The following TMEM132D variants were observed in gnomAD, a reference collection of about 807,000 sequenced individuals.
The protein encoded by TMEM132D is transmembrane protein 132D.
In TMEM132D, 21 loss-of-function variants were observed where a neutral mutation model predicts 62.3. The ratio of observed to expected loss-of-function variants is 0.34; its 90% CI spans 0.24 to 0.49. The LOEUF (loss-of-function observed/expected upper bound fraction) is 0.49. Ranked by LOEUF, TMEM132D falls within the 20% of genes least tolerant of loss-of-function variation. The probability of loss-of-function intolerance (pLI) is 0.99; values close to 1 mark genes in which losing one functional copy is unlikely to be tolerated. For synonymous variants in TMEM132D, 621 were observed against 575.6 expected, an observed-to-expected ratio of 1.08 and a Z score of -1.13; for missense variants, 1,346 against 1,402.8, an observed-to-expected ratio of 0.96 and a Z score of 0.65.
intron 3 of TMEM132D, among the ~76,000 whole-genome samples, chr12:129,394,694 A>G (rs1433129932): frequency 1.3e-5 from 2 of 152,262 alleles, no homozygotes; most frequent in Admixed American, 1.3e-4. Flanking sequence ...CCCACAAATG[A>G]AATTAATGAC....
intron 3 of TMEM132D, among the ~76,000 whole-genome samples, chr12:129,490,066 A>C (rs1874718806): frequency 6.6e-6 from 1 of 152,212 alleles, no homozygotes; most frequent in East Asian, 1.9e-4. Context: ...ATATATCCAA[A>C]GTATTTTTCC....
chr12:129,208,528 G>A (rs58467320), intron 5 of TMEM132D: 14,074 of 152,238 alleles, frequency 0.092, 729 homozygotes, highest in Non-Finnish European at 0.11. Context: ...GATTTGATTC[G>A]CATTTGTTGA....
chr12:129,582,370 C>A (rs1166412598), intron 2 of TMEM132D, among the ~76,000 whole-genome samples: 1 of 152,174 alleles, frequency 6.6e-6, no homozygotes, highest in Admixed American at 6.5e-5. Context: ...CTGGTACTTA[C>A]CCCCCAGAGA....
At chr12:129,203,920 C>G (rs1878773941) in intron 5 of TMEM132D, among the ~76,000 whole-genome samples, 1 of 152,180 alleles carries the variant, frequency 6.6e-6, no homozygotes, top group Non-Finnish European at 1.5e-5. Context: ...TCAGAGGGGG[C>G]TCCTCAGAGA....
At chr12:129,144,790 C>G (rs1252639245) in intron 5 of TMEM132D, among the ~76,000 whole-genome samples, 1 of 152,104 alleles carries the variant, frequency 6.6e-6, no homozygotes, top group Non-Finnish European at 1.5e-5. Context: ...TACCTAACTA[C>G]CTGTCATTCA....
At chr12:129,608,091 C>T (rs1878677826) in intron 2 of TMEM132D, among the ~76,000 whole-genome samples, 1 of 152,100 alleles carries the variant, frequency 6.6e-6, no homozygotes, top group Non-Finnish European at 1.5e-5. Context: ...ACCCACAAAC[C>T]CCTGGCTTTT....
intron 4 of TMEM132D, among the ~76,000 whole-genome samples, chr12:129,300,199 T>C (rs571960237): frequency 6.6e-6 from 1 of 151,942 alleles, no homozygotes; most frequent in Non-Finnish European, 1.5e-5. Context: ...GATGCAGGAG[T>C]GTGTGGTCTG....
At chr12:129,901,929 G>A (rs1321474517) in intron 1 of TMEM132D, among the ~76,000 whole-genome samples, 1 of 150,714 alleles carries the variant, frequency 6.6e-6, no homozygotes, top group Non-Finnish European at 1.5e-5. Context: ...TTAACCTCAC[G>A]TCTGCCTGAG....
chr12:129,226,791 T>A (rs1414702500), intron 4 of TMEM132D, among the ~76,000 whole-genome samples: 1 of 152,178 alleles, frequency 6.6e-6, no homozygotes, highest in African/African-American at 2.4e-5. Context: ...TGTGACTTCA[T>A]TAGGAACTCT....
chr12:129,544,459 A>G (rs1373186844), intron 2 of TMEM132D, among the ~76,000 whole-genome samples: 3 of 152,220 alleles, frequency 2.0e-5, no homozygotes, highest in Admixed American at 6.5e-5. Context: ...GGTAAAATAT[A>G]CTAAGTTTAT....
At chr12:129,551,922 G>C (rs1248424318) in intron 2 of TMEM132D, among the ~76,000 whole-genome samples, 6 of 152,156 alleles carry the variant, frequency 3.9e-5, no homozygotes, top group African/African-American at 1.4e-4. Flanking sequence ...GTTGGGGTGA[G>C]GGATATATCA....
intron 2 of TMEM132D, among the ~76,000 whole-genome samples, chr12:129,669,898 G>C (rs1880464623): frequency 6.6e-6 from 1 of 152,058 alleles, no homozygotes; most frequent in Non-Finnish European, 1.5e-5. Flanking sequence ...TGCAAGTCTT[G>C]AACACCCAGC....
chr12:129,350,644 C>A (rs959755979), intron 3 of TMEM132D, among the ~76,000 whole-genome samples: 2 of 152,218 alleles, frequency 1.3e-5, no homozygotes, highest in Admixed American at 1.3e-4. Context: ...AGCCTCTCTG[C>A]ATAATCAGAC....
intron 5 of TMEM132D, among the ~76,000 whole-genome samples, chr12:129,115,123 C>A (rs761188026): frequency 2.0e-5 from 3 of 152,182 alleles, no homozygotes; most frequent in Non-Finnish European, 4.4e-5. Flanking sequence ...GTGCCCAGAG[C>A]ATTCTTTTAA....
At position 129,470,322 on chromosome 12, in the gene TMEM132D, G is replaced by GT. The variant is rs1275203921; in HGVS notation, c.1115+60736dup. 3.3e-5 allele frequency among the ~76,000 whole-genome samples: 5 copies of GT among 152,260 alleles called. No homozygotes were observed. The East Asian group carries it at 7.7e-4, about 24-fold the overall frequency. ...TTACCAAGGCAGCTTCTAAGATTTT[G>GT]TTTTTTTAAATTTTTGGTGTGGTCA... is the stretch of plus-strand genomic sequence containing the variant. On this transcript the variant is annotated intron_variant, in intron 3 of 8. Coordinates refer to ENST00000422113, the MANE Select transcript of TMEM132D (RefSeq NM_133448.3).
At chr12:129,264,892 C>T (rs1198013343) in intron 4 of TMEM132D, among the ~76,000 whole-genome samples, 1 of 151,998 alleles carries the variant, frequency 6.6e-6, no homozygotes, top group African/African-American at 2.4e-5. Flanking sequence ...AAGAATGATA[C>T]AATGGACTTT....
intron 3 of TMEM132D, among the ~76,000 whole-genome samples, chr12:129,427,345 A>G (rs7136131): frequency 0.36 from 53,582 of 149,916 alleles, 9,712 homozygotes; most frequent in East Asian, 0.48. Context: ...TCATAGGTGG[A>G]AACTGAACAA....
At chr12:129,887,771 T>C (rs1593199567) in intron 1 of TMEM132D, among the ~76,000 whole-genome samples, 1 of 152,204 alleles carries the variant, frequency 6.6e-6, no homozygotes, top group African/African-American at 2.4e-5. Context: ...ATCTATAATA[T>C]CAGCATATCT....
rs1188139377 is a variant in TMEM132D, at chr12:129,081,797, T to G, written c.1885A>C (p.Ile629Leu). The G allele has an allele frequency of 1.2e-6, 2 of 1,612,844 alleles. No homozygotes were observed. Among genetic ancestry groups the G allele is most frequent in the African/African-American group, 2.7e-5 (2 of 74,692 alleles). Residue 629 changes from isoleucine to leucine, a missense_variant, in exon 7 of 9, where the codon ATC becomes CTC. Coordinates refer to ENST00000422113, the MANE Select transcript of TMEM132D (RefSeq NM_133448.3). The stretch of plus-strand genomic sequence containing the variant: ...ATCCCAAGCTCCTGCCCCATCAGGA[T>G]CTGTCCGCCTTGCAGCTTGGCGATC... ...PRIAKLQGGQILMGQELGMTT... is the reference protein window; with the variant it reads ...PRIAKLQGGQLLMGQELGMTT...
Sources: gnomAD v4.1 joint callset for allele counts (sites outside exome capture counted in the v4.1 genomes callset) on GRCh38, gnomAD v4.1.1 for gene constraint, MANE v1.5 for transcripts, NCBI Gene and HGNC (gene_info 2026-07-23, HGNC 2026-07-21) for gene names.